Variants in ZNF536 observed in about 807,000 individuals in gnomAD.
The protein encoded by ZNF536 is zinc finger protein 536.
ZNF536 carries 13 observed loss-of-function variants against 84.5 expected under a neutral mutation model. The observed-to-expected ratio is 0.15, with a 90% CI of 0.10 to 0.24. The LOEUF (loss-of-function observed/expected upper bound fraction) is 0.24, where lower values mean the gene tolerates loss of function less well. ZNF536 is among the 10% of genes least tolerant of loss of function. ZNF536 has a pLI of 1.00. For missense variants in ZNF536, 1,536 were observed against 1,747.5 expected (o/e 0.88, Z 2.16); for synonymous variants, 811 against 742.5 (o/e 1.09, Z -1.50).
intron 1 of ZNF536, among the ~76,000 whole-genome samples, chr19:30,596,257 A>G (rs1326966151): frequency 1.3e-5 from 2 of 151,734 alleles, no homozygotes; most frequent in African/African-American, 4.8e-5. Flanking sequence ...ACAGAGAGAG[A>G]GGGAGAGGGG....
chr19:30,260,408 A>G (rs551590318), intron 1 of ZNF536, among the ~76,000 whole-genome samples: 1 of 152,294 alleles, frequency 6.6e-6, no homozygotes, highest in South Asian at 2.1e-4. Context: ...GGATAAGAGG[A>G]TTCTCCTACT....
chr19:30,637,133 A>G (rs1443577668), intron 1 of ZNF536, among the ~76,000 whole-genome samples: 32 of 152,334 alleles, frequency 2.1e-4, no homozygotes, highest in Non-Finnish European at 5.9e-5. Flanking sequence ...AGTCCTTGAC[A>G]GCATTTTTAT....
intron 1 of ZNF536, among the ~76,000 whole-genome samples, chr19:30,261,978 G>C (rs2025250735): frequency 6.6e-6 from 1 of 152,146 alleles, no homozygotes. Flanking sequence ...TCACATCTCA[G>C]GCTGCTGGTG....
intron 2 of ZNF536, among the ~76,000 whole-genome samples, chr19:30,489,414 T>C (rs967274324): frequency 6.6e-6 from 1 of 151,982 alleles, no homozygotes; most frequent in Non-Finnish European, 1.5e-5. Context: ...ACCCCATCTC[T>C]ACAAAAAATT....
chr19:30,322,529 T>C (rs933618923), intron 2 of ZNF536, among the ~76,000 whole-genome samples: 4 of 152,194 alleles, frequency 2.6e-5, no homozygotes, highest in Non-Finnish European at 5.9e-5. Flanking sequence ...GTGTGTTACA[T>C]GCTTGCTTCT....
intron 2 of ZNF536, among the ~76,000 whole-genome samples, chr19:30,533,784 G>T (rs1385145640): frequency 2.6e-5 from 4 of 152,190 alleles, no homozygotes; most frequent in South Asian, 2.1e-4. Flanking sequence ...CTACGGTGAG[G>T]ATCACCCCGC....
intron 1 of ZNF536, among the ~76,000 whole-genome samples, chr19:30,611,091 T>A (rs2048090269): frequency 6.6e-6 from 1 of 152,154 alleles, no homozygotes; most frequent in Non-Finnish European, 1.5e-5. Flanking sequence ...GTTGTTAGGA[T>A]AGGGTTAGGA....
intron 2 of ZNF536, among the ~76,000 whole-genome samples, chr19:30,336,096 G>C (rs890106608): frequency 6.6e-6 from 1 of 152,200 alleles, no homozygotes. Context: ...AGGTGACCCC[G>C]CCCAGGCTGG....
intron 1 of ZNF536, among the ~76,000 whole-genome samples, chr19:30,660,133 ATTG>A (rs1403199905): frequency 1.3e-5 from 2 of 152,180 alleles, no homozygotes; most frequent in African/African-American, 4.8e-5. Context: ...TGGAGAAACA[ATTG>A]TTGTTTTCTT....
intron 1 of ZNF536, among the ~76,000 whole-genome samples, chr19:30,257,806 TGGAGGAG>T (rs2145200388): frequency 6.6e-6 from 1 of 152,346 alleles, no homozygotes; most frequent in South Asian, 2.1e-4. Context: ...CCATTGCAAC[TGGAGGAG>T]CTGCTCACTC....
At chr19:30,449,913 G>C (rs760752732) in intron 2 of ZNF536, among the ~76,000 whole-genome samples, 1 of 152,060 alleles carries the variant, frequency 6.6e-6, no homozygotes, top group Non-Finnish European at 1.5e-5. Context: ...TGATATGATA[G>C]ATTTTCTTTC....
chr19:30,460,137 A>T (rs540262741), intron 2 of ZNF536, among the ~76,000 whole-genome samples: 1 of 152,158 alleles, frequency 6.6e-6, no homozygotes, highest in East Asian at 1.9e-4. Context: ...CTTGCATCCT[A>T]CTAGGTGTTT....
At chr19:30,320,291 T>C (rs922018147) in intron 2 of ZNF536, among the ~76,000 whole-genome samples, 32 of 152,368 alleles carry the variant, frequency 2.1e-4, no homozygotes, top group African/African-American at 7.7e-4. Flanking sequence ...TATAGAAATG[T>C]TAATCATGTT....
chr19:30,509,714 T>A (rs972645460), intron 2 of ZNF536, among the ~76,000 whole-genome samples: 3 of 152,190 alleles, frequency 2.0e-5, no homozygotes, highest in Non-Finnish European at 4.4e-5. Flanking sequence ...TCATTTAGCA[T>A]GAATCCCACA....
chr19:30,615,330 C>T (rs1200096225), intron 1 of ZNF536, among the ~76,000 whole-genome samples: 1 of 152,060 alleles, frequency 6.6e-6, no homozygotes, highest in African/African-American at 2.4e-5. Flanking sequence ...TTCTTTGTGT[C>T]CTTTCTCCAA....
chr19:30,628,272 A>T (rs1006583961), intron 1 of ZNF536, among the ~76,000 whole-genome samples: 2 of 152,186 alleles, frequency 1.3e-5, no homozygotes, highest in Non-Finnish European at 2.9e-5. Context: ...GCCTGCTACG[A>T]TGCTGGCCCC....
Position 30,545,385 on chromosome 19 carries a change from CTTTTTTTTT to C in ZNF536, c.2324-2536_2324-2528del, listed in dbSNP as rs772761287. Among the ~76,000 whole-genome samples, 11 of 67,678 alleles carry C rather than the reference CTTTTTTTTT, an allele frequency of 1.6e-4. No homozygotes were observed. The South Asian group carries it at 3.4e-3, about 21-fold the overall frequency. 44.4% of individuals were successfully genotyped at this position (67,678 alleles called of 152,430 possible). On this transcript the variant is annotated intron_variant, in intron 3 of 4. Coordinates refer to ENST00000355537, the MANE Select transcript of ZNF536 (RefSeq NM_014717.3). ...TTAAGTACTACCCGCTCCCATATGTCTTTTTTTTTTTTTTTTTTTTTTTTTTTTTTGAGA... is the reference window on the plus strand; with the variant it reads ...TTAAGTACTACCCGCTCCCATATGTCTTTTTTTTTTTTTTTTTTTTTGAGA...
At chr19:30,384,357 T>C (rs1370515510) in intron 1 of ZNF536, among the ~76,000 whole-genome samples, 2 of 99,134 alleles carry the variant, frequency 2.0e-5, no homozygotes, top group Non-Finnish European at 3.8e-5. Flanking sequence ...TTCCCTTCCC[T>C]TCCTTCCTTT....
rs997994428 is a variant in ZNF536 at position 30,557,540 on chromosome 19, C to T, written c.*376C>T. 3 of 195,424 alleles carry T rather than the reference C, an allele frequency of 1.5e-5. No homozygotes were observed. Among genetic ancestry groups the T allele is most frequent in the African/African-American group, 7.0e-5 (3 of 42,974 alleles). The allele number at this position is 195,424 out of a possible 1,614,324, so 12.1% of individuals were successfully genotyped here. ...GGTGGGGGGCTGTTCCACCAGCTCA[C>T]CTGAGCATGTAGAGGTGGGTCCTGC... On this transcript the variant is annotated 3_prime_UTR_variant, in exon 5 of 5. Transcript: ENST00000355537.
Sources: allele counts gnomAD v4.1 joint callset (sites outside exome capture counted in the v4.1 genomes callset), GRCh38; gene constraint gnomAD v4.1.1; transcripts MANE v1.5; gene names NCBI Gene and HGNC (gene_info 2026-07-23, HGNC 2026-07-21).